MACROD2: variants seen among roughly 807,000 people sequenced by gnomAD.
MACROD2 encodes the protein ADP-ribose glycohydrolase MACROD2.
Under a neutral mutation model 70.4 loss-of-function variants are expected in MACROD2, and 36 were observed. That is an observed-to-expected ratio of 0.51 (90% CI 0.39 to 0.68). The LOEUF is 0.68. MACROD2 is among the 30% of genes least tolerant of loss of function. MACROD2 has a pLI of 0.00. For synonymous variants in MACROD2, 172 were observed against 178.8 expected, an observed-to-expected ratio of 0.96 and a Z score of 0.30; for missense variants, 496 against 538.4, an observed-to-expected ratio of 0.92 and a Z score of 0.78.
intron 2 of MACROD2, among the ~76,000 whole-genome samples, chr20:14,061,168 G>C (rs2053686715): frequency 6.6e-6 from 1 of 152,028 alleles, no homozygotes; most frequent in African/African-American, 2.4e-5. Flanking sequence ...TGTACTTTGA[G>C]ATATTTTTGC....
intron 3 of MACROD2, among the ~76,000 whole-genome samples, chr20:14,279,969 C>A (rs1187816532): frequency 6.6e-6 from 1 of 152,044 alleles, no homozygotes. Context: ...TCTATCCTAC[C>A]CTATGGGATA....
chr20:14,913,411 G>T (rs1275238080), intron 5 of MACROD2, among the ~76,000 whole-genome samples: 1 of 152,000 alleles, frequency 6.6e-6, no homozygotes, highest in Non-Finnish European at 1.5e-5. Context: ...AAAAAGCTGG[G>T]TGCCATGGTT....
rs11470954 is a variant in MACROD2, at chr20:14,655,319, C to CTGTGTGTGTGTGTGTG, written c.302-29500_302-29485dup. Among the ~76,000 whole-genome samples the CTGTGTGTGTGTGTGTG allele has an allele frequency of 2.8e-3, 393 of 141,690 alleles. 4 individuals are homozygous for CTGTGTGTGTGTGTGTG. The highest frequency in any genetic ancestry group is 9.8e-3 in the African/African-American group (366 of 37,468). 93.0% of individuals were successfully genotyped at this position (141,690 alleles called of 152,430 possible). A position where few individuals can be genotyped will look rare whatever the true frequency, so the allele number is the denominator to read the frequency against. The stretch of plus-strand genomic sequence containing the variant: ...CTTATATATAAATCCAAAGTGGACA[C>CTGTGTGTGTGTGTGTG]TGTGTGTGTGTGTGTGTGTGTGTGT... On this transcript the variant is annotated intron_variant, in intron 4 of 17. Coordinates refer to ENST00000684519, the MANE Select transcript of MACROD2 (RefSeq NM_001351661.2).
intron 3 of MACROD2, among the ~76,000 whole-genome samples, chr20:14,353,774 T>A (rs1399086467): frequency 6.6e-6 from 1 of 152,148 alleles, no homozygotes; most frequent in Non-Finnish European, 1.5e-5. Flanking sequence ...TAGAAATTTG[T>A]GTTAGCTACA....
chr20:14,470,453 G>A (rs906250904), intron 3 of MACROD2, among the ~76,000 whole-genome samples: 15 of 152,168 alleles, frequency 9.9e-5, no homozygotes, highest in African/African-American at 3.6e-4. Context: ...GAGCTCAAGT[G>A]CTGTGCTAGA....
intron 8 of MACROD2, among the ~76,000 whole-genome samples, chr20:15,600,715 C>T (rs551702721): frequency 6.6e-6 from 1 of 152,220 alleles, no homozygotes; most frequent in East Asian, 1.9e-4. Context: ...TTGATGAGCA[C>T]TTGAGATGAA....
At chr20:14,757,958 C>T (rs1168035644) in intron 5 of MACROD2, 2 of 933,868 alleles carry the variant, frequency 2.1e-6, no homozygotes, top group African/African-American at 3.2e-5. Flanking sequence ...TGCTGTGCCC[C>T]CTGGTGCCGA....
At chr20:15,309,402 T>G (rs1212985747) in intron 6 of MACROD2, among the ~76,000 whole-genome samples, 1 of 152,196 alleles carries the variant, frequency 6.6e-6, no homozygotes, top group Non-Finnish European at 1.5e-5. Context: ...TGATAGCTGA[T>G]GATTACCAAA....
rs140258500 is a variant in MACROD2, at chr20:15,266,223, C to T, written c.540+36162C>T. Among the ~76,000 whole-genome samples, 178 of 152,214 alleles carry T rather than the reference C, an allele frequency of 1.2e-3. 4 individuals carry two copies. Among genetic ancestry groups the T allele is most frequent in the East Asian group, 3.9e-3 (20 of 5,172 alleles). On this transcript the variant is annotated intron_variant, in intron 6 of 17. Coordinates refer to ENST00000684519, the MANE Select transcript of MACROD2 (RefSeq NM_001351661.2). ...TTTAGTAAACACAGTACTACATGTT[C>T]ATGTGAAAAGTTTTGCAGCTATAAT...
chr20:15,300,531 C>T (rs942301178), intron 6 of MACROD2, among the ~76,000 whole-genome samples: 1 of 152,202 alleles, frequency 6.6e-6, no homozygotes, highest in African/African-American at 2.4e-5. Context: ...GATGCTTGGG[C>T]TCTACTCAGA....
intron 6 of MACROD2, among the ~76,000 whole-genome samples, chr20:15,406,388 A>G (rs766751036): frequency 2.6e-5 from 4 of 152,250 alleles, no homozygotes; most frequent in Non-Finnish European, 5.9e-5. Flanking sequence ...CCCAAAGCTA[A>G]GCATGTTACC....
intron 8 of MACROD2, among the ~76,000 whole-genome samples, chr20:15,713,987 GCACACACACACACA>G (rs3071356): frequency 5.3e-4 from 63 of 117,788 alleles, no homozygotes; most frequent in Admixed American, 1.8e-3. Flanking sequence ...ACACACATAT[GCACACACACACACA>G]CACACACACA....
rs1384116400 is a variant in MACROD2 at position 14,954,780 on chromosome 20, T to TTATATAAC, written c.418+269821_418+269822insTATATAAC. The stretch of plus-strand genomic sequence containing the variant: ...TAAATAAATTTTATATAACATAAAT[T>TTATATAAC]ATAAATATATAAATATATAAATAAA... On this transcript the variant is annotated intron_variant, in intron 5 of 17. Coordinates refer to ENST00000684519, the MANE Select transcript of MACROD2 (RefSeq NM_001351661.2). Among the ~76,000 whole-genome samples the TTATATAAC allele has an allele frequency of 5.9e-5, 6 of 102,328 alleles. No homozygotes were observed. In the East Asian group the frequency reaches 1.6e-3, roughly 27 times the overall value. The allele number at this position is 102,328 out of a possible 152,430, so 67.1% of individuals were successfully genotyped here. A position where few individuals can be genotyped will look rare whatever the true frequency, so the allele number is the denominator to read the frequency against.
chr20:15,966,812 C>T (rs1303146375), intron 12 of MACROD2, among the ~76,000 whole-genome samples: 1 of 152,154 alleles, frequency 6.6e-6, no homozygotes, highest in Non-Finnish European at 1.5e-5. Flanking sequence ...TGCTGTCTTC[C>T]TGTTGATCCA....
intron 9 of MACROD2, among the ~76,000 whole-genome samples, chr20:15,874,645 T>C (rs2064641608): frequency 6.6e-6 from 1 of 152,150 alleles, no homozygotes; most frequent in Non-Finnish European, 1.5e-5. Context: ...TGGTTTCAAT[T>C]TGCATTTCTC....
intron 3 of MACROD2, among the ~76,000 whole-genome samples, chr20:14,356,450 C>T (rs565784803): frequency 4.0e-5 from 6 of 150,898 alleles, no homozygotes; most frequent in African/African-American, 1.5e-4. Flanking sequence ...CTCTGCTCCA[C>T]AGGGCATCAA....
At position 16,001,219 on chromosome 20, in the gene MACROD2, G is replaced by A. The variant is rs557778474; in HGVS notation, c.1153+14061G>A. On this transcript the variant is annotated intron_variant, in intron 15 of 17. Transcript: ENST00000684519. ...ATGTAAAAAGCAGGTGGTATAAGGAGTACTTTGAATGTTAATTATTTTTTT... is the reference window on the plus strand; with the variant it reads ...ATGTAAAAAGCAGGTGGTATAAGGAATACTTTGAATGTTAATTATTTTTTT... Among the ~76,000 whole-genome samples, 2 of 152,272 alleles carry A rather than the reference G, an allele frequency of 1.3e-5. 1 individual carries two copies. Among genetic ancestry groups the A allele is most frequent in the South Asian group, 4.1e-4 (2 of 4,826 alleles).
At chr20:14,835,152 G>A (rs188628259) in intron 5 of MACROD2, among the ~76,000 whole-genome samples, 3 of 152,022 alleles carry the variant, frequency 2.0e-5, no homozygotes, top group Non-Finnish European at 2.9e-5. Flanking sequence ...TGCCATTTCC[G>A]GCACTGCTTT....
chr20:15,051,110 C>T (rs989839452), intron 5 of MACROD2, among the ~76,000 whole-genome samples: 1 of 146,500 alleles, frequency 6.8e-6, no homozygotes. Flanking sequence ...CAAGAGAACC[C>T]ACTTTTCTGT....
Sources: allele counts gnomAD v4.1 joint callset (sites outside exome capture counted in the v4.1 genomes callset), GRCh38; gene constraint gnomAD v4.1.1; transcripts MANE v1.5; gene names NCBI Gene and HGNC (gene_info 2026-07-23, HGNC 2026-07-21).